CELSR1: variants seen among roughly 807,000 people sequenced by gnomAD.
The protein encoded by CELSR1 is cadherin EGF LAG seven-pass G-type receptor 1.
CELSR1 carries 110 observed loss-of-function variants against 249.1 expected under a neutral mutation model. That is an observed-to-expected ratio of 0.44 (90% CI 0.38 to 0.52). The LOEUF is 0.52. CELSR1 is among the 20% of genes least tolerant of loss of function. CELSR1 has a pLI of 0.00. For synonymous variants in CELSR1, 2,113 were observed against 1,900.0 expected (o/e 1.11, Z -2.92); for missense variants, 4,109 against 4,296.4 (o/e 0.96, Z 1.22).
At chr22:46,405,969 C>A (rs2079261964) in intron 9 of CELSR1, among the ~76,000 whole-genome samples, 1 of 152,176 alleles carries the variant, frequency 6.6e-6, no homozygotes, top group Non-Finnish European at 1.5e-5. Flanking sequence ...CTCAAGGCCA[C>A]CCCTCCAGCC....
chr22:46,478,215 C>T (rs1442298249), intron 1 of CELSR1, among the ~76,000 whole-genome samples: 1 of 152,210 alleles, frequency 6.6e-6, no homozygotes, highest in Non-Finnish European at 1.5e-5. Context: ...CCGACAGCGC[C>T]GTCTGGGGCA....
In CELSR1 at chr22:46,489,667, C is replaced by T. The variant is rs1208801389; in HGVS notation, c.3545-25322G>A. On this transcript the variant is annotated intron_variant, in intron 1 of 34. Coordinates refer to ENST00000674500, the MANE Select transcript of CELSR1 (RefSeq NM_001378328.1). ...GTGGCTCATACCTGTAATCCCAGCA[C>T]TTTGGGAGGCCGAGACAGGTGGATC... 4.6e-5 allele frequency among the ~76,000 whole-genome samples: 7 copies of T among 152,096 alleles called. 1 individual carries two copies. The highest frequency in any genetic ancestry group is 1.7e-4 in the African/African-American group (7 of 41,412).
At chr22:46,418,632 C>T (rs1019853009) in intron 5 of CELSR1, among the ~76,000 whole-genome samples, 2 of 152,238 alleles carry the variant, frequency 1.3e-5, no homozygotes, top group African/African-American at 2.4e-5. Context: ...GGAGCTAAGA[C>T]GCAAAGCCAC....
rs772749043 is a variant in CELSR1 at position 46,433,511 on chromosome 22, A to C, written c.4523-30T>G. 1.1e-5 allele frequency: 18 copies of C among 1,593,824 alleles called. No individual in the cohort carries two copies. Among genetic ancestry groups the C allele is most frequent in the Non-Finnish European group, 1.5e-5 (17 of 1,163,854 alleles). On this transcript the variant is annotated intron_variant, in intron 4 of 34. Transcript: ENST00000674500. The surrounding 1 kb of genome is among the most constrained non-coding windows in gnomAD (Gnocchi z 5.7). ...ATGGTGGGAGGGAGACCCAGAGAGA[A>C]AACAGGGGTTGGCGGGGCCTACTGG...
At chr22:46,511,996 G>A (rs936576045) in intron 1 of CELSR1, among the ~76,000 whole-genome samples, 12 of 152,064 alleles carry the variant, frequency 7.9e-5, no homozygotes, top group Non-Finnish European at 1.3e-4. Context: ...TTACAATTCT[G>A]CCAGGATGTC....
chr22:46,464,023 C>A lies in CELSR1; in HGVS notation c.3867G>T (p.Thr1289=), dbSNP rs150834991. 6.2e-7 allele frequency: 1 copy of A among 1,613,826 alleles called. No individual in the cohort carries two copies. The highest frequency in any genetic ancestry group is 8.5e-7 in the Non-Finnish European group (1 of 1,180,042). The part of the protein sequence containing the change: ...DLQEQIYLNR[T]LLTTISTQRV... ...GCTGCGTGGAGATGGTGGTCAGCAGCGTCCGATTCAGGTAGATCTGCTCCT... is the reference window on the plus strand; with the variant it reads ...GCTGCGTGGAGATGGTGGTCAGCAGAGTCCGATTCAGGTAGATCTGCTCCT... Residue 1289 remains threonine, a synonymous_variant, in exon 2 of 35, where the codon ACG becomes ACT. Coordinates refer to ENST00000674500, the MANE Select transcript of CELSR1 (RefSeq NM_001378328.1). This position sits in a 1 kb window ranked among gnomAD's most constrained non-coding sequence, Gnocchi z 8.5.
Position 46,481,569 on chromosome 22 carries a change from A to G in CELSR1, c.3545-17224T>C, listed in dbSNP as rs534644677. ...AAGCCTGGGCTTAAGCCAGAGGCAC[A>G]TGGTGGCACTCGATGCACTGGTGCA... On this transcript the variant is annotated intron_variant, in intron 1 of 34. Transcript: ENST00000674500. 10 of 984,766 alleles carry G rather than the reference A, an allele frequency of 1.0e-5. No homozygotes were observed. The East Asian group carries it at 2.4e-4, about 24-fold the overall frequency. 61.0% of individuals were successfully genotyped at this position (984,766 alleles called of 1,614,324 possible).
At chr22:46,383,148 C>T (rs1209532330) in intron 20 of CELSR1, among the ~76,000 whole-genome samples, 2 of 152,168 alleles carry the variant, frequency 1.3e-5, no homozygotes, top group Non-Finnish European at 2.9e-5. Flanking sequence ...CCAGAGAGAG[C>T]TGGCTGCAAT....
chr22:46,418,134 T>C (rs1417708385), intron 5 of CELSR1, among the ~76,000 whole-genome samples: 1 of 152,246 alleles, frequency 6.6e-6, no homozygotes, highest in African/African-American at 2.4e-5. Context: ...CAAAATAACA[T>C]GCAAGTGGTT....
chr22:46,405,376 C>G (rs1190161128), intron 9 of CELSR1, among the ~76,000 whole-genome samples: 1 of 148,472 alleles, frequency 6.7e-6, no homozygotes, highest in African/African-American at 2.5e-5. Flanking sequence ...AGGAGAATGG[C>G]GTGAACCTGG....
rs757461913 is a variant in CELSR1 at position 46,464,082 on chromosome 22, C to T, written c.3808G>A (p.Val1270Ile). Reference sequence around the variant, plus strand: ...TCCGACGGGAAGAACTGGCCGCGGACGCCGCCAGGCAGCAGCGCCGAGAAG... The same window carrying T: ...TCCGACGGGAAGAACTGGCCGCGGATGCCGCCAGGCAGCAGCGCCGAGAAG... ...VTFSALLPGG[V>I]RGQFFPSEDL... The change falls in exon 2 of 35, where the codon GTC becomes ATC. Residue 1270 changes from valine (V) to isoleucine (I), a missense_variant. This residue lies in a region of CELSR1 where 141 missense variants were observed against 209.4 expected (regional missense o/e 0.67). Coordinates refer to ENST00000674500, the MANE Select transcript of CELSR1 (RefSeq NM_001378328.1). This position sits in a 1 kb window ranked among gnomAD's most constrained non-coding sequence, Gnocchi z 8.5. 33 of 1,613,632 alleles carry T rather than the reference C, an allele frequency of 2.0e-5. No homozygotes were observed. The highest frequency in any genetic ancestry group is 8.8e-5 in the South Asian group (8 of 91,088).
rs770150424 is a variant in CELSR1 at position 46,373,033 on chromosome 22, G to A, written c.7609C>T (p.Leu2537Phe). ...NPFLCTVVAI[L>F]LHYIYMSTFA... Reference sequence around the variant, plus strand: ...GTGCTCATGTAGATGTAGTGGAGGAGGATGGCAACCACTGTGCACAGAAAC... The same window carrying A: ...GTGCTCATGTAGATGTAGTGGAGGAAGATGGCAACCACTGTGCACAGAAAC... Residue 2537 changes from leucine (L) to phenylalanine (F), a missense_variant, in exon 25 of 35, where the codon CTC (leucine) becomes TTC (phenylalanine). Leu to Phe is a conservative substitution (Grantham distance 22). This residue lies in a region of CELSR1 where 1,805 missense variants were observed against 1,831.6 expected (regional missense o/e 0.99). Transcript: ENST00000674500. 3 of 1,610,672 alleles carry A rather than the reference G, an allele frequency of 1.9e-6. No homozygotes were observed. In the South Asian group the frequency reaches 3.3e-5, roughly 18 times the overall value.
chr22:46,379,839 C>A (rs575691233), intron 22 of CELSR1, among the ~76,000 whole-genome samples: 1 of 152,308 alleles, frequency 6.6e-6, no homozygotes, highest in South Asian at 2.1e-4. Context: ...CTCCCCTTCC[C>A]GGCACTCCCT....
chr22:46,535,517 A>C lies in CELSR1; in HGVS notation c.1654T>G (p.Ser552Ala), dbSNP rs1206845515. The C allele has an allele frequency of 6.2e-7, 1 of 1,612,990 alleles. No homozygotes were observed. Among genetic ancestry groups the C allele is most frequent in the Admixed American group, 1.7e-5 (1 of 59,998 alleles). ...TCGTTGACATCCAGCACCTGCACAG[A>C]CACCACCCCTGAAGAATTGATGAGC... Reference protein sequence around the residue: ...PPLINSSGVVSVQVLDVNDNE... With the variant: ...PPLINSSGVVAVQVLDVNDNE... The change falls in exon 1 of 35, where the codon TCT becomes GCT. Residue 552 changes from serine (S) to alanine (A), a missense_variant. Around this residue, in one of 7 missense-constraint regions of CELSR1, gnomAD observed 135 missense variants for 190.0 expected, o/e 0.71. Coordinates refer to ENST00000674500, the MANE Select transcript of CELSR1 (RefSeq NM_001378328.1).
chr22:46,389,275 C>T lies in CELSR1; in HGVS notation c.6555+15G>A, dbSNP rs776099898. 5.6e-6 allele frequency: 9 copies of T among 1,601,030 alleles called. No individual in the cohort carries two copies. The highest frequency in any genetic ancestry group is 2.2e-5 in the East Asian group (1 of 44,884). On this transcript the variant is annotated intron_variant, in intron 18 of 34. Transcript: ENST00000674500. ...CCCGAGTGTCCCCGAGCCAGGGTGG[C>T]GGCCACCCGCCTACCTCGTGAAAGT...
In CELSR1 at chr22:46,501,813, T is replaced by A. The variant is rs115405889; in HGVS notation, c.3544+31814A>T. 4.3e-3 allele frequency among the ~76,000 whole-genome samples: 648 copies of A among 152,174 alleles called. 3 individuals are homozygous for A. Among genetic ancestry groups the A allele is most frequent in the African/African-American group, 0.012 (492 of 41,518 alleles). ...TTCCCCAAAAAGAATTCCCGAAGAG[T>A]TCCCCCGCTGGCACAGTCATGGGCT... is the stretch of plus-strand genomic sequence containing the variant. On this transcript the variant is annotated intron_variant, in intron 1 of 34. Coordinates refer to ENST00000674500, the MANE Select transcript of CELSR1 (RefSeq NM_001378328.1).
In CELSR1 at chr22:46,503,230, C is replaced by T. The variant is rs116272833; in HGVS notation, c.3544+30397G>A. Among the ~76,000 whole-genome samples the T allele has an allele frequency of 7.1e-4, 108 of 152,358 alleles. 1 individual carries two copies. The highest frequency in any genetic ancestry group is 2.6e-3 in the African/African-American group (107 of 41,572). On this transcript the variant is annotated intron_variant, in intron 1 of 34. Coordinates refer to ENST00000674500, the MANE Select transcript of CELSR1 (RefSeq NM_001378328.1). ...GAATAGAGGCCAGCCCCCAGCAATC[C>T]AACCTGCCTCGCTCCAGCCAGGAGG...
chr22:46,535,544 G>A lies in CELSR1; in HGVS notation c.1627C>T (p.Pro543Ser). 1 of 1,613,286 alleles carries A rather than the reference G, an allele frequency of 6.2e-7. No homozygotes were observed. The change falls in exon 1 of 35, where the codon CCG (proline) becomes TCG (serine). Residue 543 changes from proline to serine, a missense_variant. Coordinates refer to ENST00000674500, the MANE Select transcript of CELSR1 (RefSeq NM_001378328.1). The part of the protein sequence containing the change: ...SIKAQDGGRP[P>S]LINSSGVVSV... ...ACCACCCCTGAAGAATTGATGAGCG[G>A]GGGCCGGCCCCCATCCTGGGCCTTA...
chr22:46,443,635 G>A (rs147561924), intron 2 of CELSR1, among the ~76,000 whole-genome samples: 28 of 151,630 alleles, frequency 1.8e-4, no homozygotes, highest in Non-Finnish European at 2.8e-4. Flanking sequence ...TCAATTTCCC[G>A]TCTACACATG....
Sources: allele counts gnomAD v4.1 joint callset (sites outside exome capture counted in the v4.1 genomes callset), GRCh38; gene constraint gnomAD v4.1.1; regional missense constraint gnomAD v4.1.1; non-coding constraint Gnocchi (gnomAD v3.1); transcripts MANE v1.5; gene names NCBI Gene and HGNC (gene_info 2026-07-23, HGNC 2026-07-21).